ATF7IP2: variants seen among roughly 807,000 people sequenced by gnomAD.
The protein encoded by ATF7IP2 is activating transcription factor 7-interacting protein 2.
A neutral mutation model predicts 64.2 loss-of-function variants in ATF7IP2; 42 were observed. The observed-to-expected ratio is 0.65, with a 90% CI of 0.51 to 0.85. The LOEUF (loss-of-function observed/expected upper bound fraction) is 0.85. Ranked by LOEUF, ATF7IP2 falls within the 40% of genes least tolerant of loss-of-function variation. The pLI is 0.00. For synonymous variants in ATF7IP2, 308 were observed against 272.8 expected, an observed-to-expected ratio of 1.13 and a Z score of -1.27; for missense variants, 933 against 784.2, an observed-to-expected ratio of 1.19 and a Z score of -2.27.
intron 1 of ATF7IP2, among the ~76,000 whole-genome samples, chr16:10,400,854 G>T (rs2047517005): frequency 6.6e-6 from 1 of 151,940 alleles, no homozygotes; most frequent in Non-Finnish European, 1.5e-5. Context: ...ACTAAATTTT[G>T]TATTTTCAGT....
chr16:10,417,794 T>C (rs920953408), intron 2 of ATF7IP2, among the ~76,000 whole-genome samples: 1 of 152,140 alleles, frequency 6.6e-6, no homozygotes, highest in African/African-American at 2.4e-5. Flanking sequence ...ATGACAGTAA[T>C]CAAGATAATG....
intron 5 of ATF7IP2, among the ~76,000 whole-genome samples, chr16:10,432,803 G>A (rs1291208869): frequency 6.6e-6 from 1 of 152,108 alleles, no homozygotes; most frequent in Non-Finnish European, 1.5e-5. Context: ...GCTTGAACCT[G>A]GGGGGCGGAA....
chr16:10,416,986 A>G (rs1036348039), intron 2 of ATF7IP2, among the ~76,000 whole-genome samples: 63 of 152,226 alleles, frequency 4.1e-4, no homozygotes, highest in African/African-American at 1.5e-3. Context: ...ATTATTATGC[A>G]TTGCATTTCT....
intron 1 of ATF7IP2, among the ~76,000 whole-genome samples, chr16:10,410,130 G>C (rs548483921): frequency 3.3e-5 from 5 of 152,094 alleles, no homozygotes; most frequent in Admixed American, 1.3e-4. Flanking sequence ...TATTTTGATG[G>C]GAATTGCATT....
chr16:10,467,097 T>C (rs1412728495), intron 9 of ATF7IP2, among the ~76,000 whole-genome samples: 1 of 152,186 alleles, frequency 6.6e-6, no homozygotes, highest in African/African-American at 2.4e-5. Context: ...AAGGGAATGA[T>C]ATCACAAGGC....
Position 10,472,091 on chromosome 16 carries a change from T to C in ATF7IP2, c.1353-19T>C. The C allele has an allele frequency of 7.0e-7, 1 of 1,435,162 alleles. No homozygotes were observed. The highest frequency in any genetic ancestry group is 9.6e-7 in the Non-Finnish European group (1 of 1,037,586). 88.9% of individuals were successfully genotyped at this position (1,435,162 alleles called of 1,614,324 possible). On this transcript the variant is annotated intron_variant, in intron 9 of 13. Transcript: ENST00000562102. ...ATGCATGTTTAGTTTTTGTTTTTAA[T>C]TTCTTTTTATCATTTTAGTAACAAT...
At chr16:10,405,577 C>G (rs1384234615) in intron 1 of ATF7IP2, among the ~76,000 whole-genome samples, 1 of 152,166 alleles carries the variant, frequency 6.6e-6, no homozygotes, top group Non-Finnish European at 1.5e-5. Context: ...ACATTCTTAT[C>G]ACATCCTGCT....
intron 8 of ATF7IP2, among the ~76,000 whole-genome samples, chr16:10,450,630 G>A (rs2048953432): frequency 6.6e-6 from 1 of 151,890 alleles, no homozygotes; most frequent in African/African-American, 2.4e-5. Flanking sequence ...GACTAGGATT[G>A]CAACCCCTGC....
intron 9 of ATF7IP2, among the ~76,000 whole-genome samples, chr16:10,459,491 T>A (rs981530918): frequency 7.1e-4 from 98 of 137,438 alleles, no homozygotes; most frequent in Middle Eastern, 3.7e-3. Context: ...AAAAAAAAAA[T>A]ACAAAATTAG....
chr16:10,431,854 C>G (rs1046083419), intron 5 of ATF7IP2, among the ~76,000 whole-genome samples: 2 of 135,162 alleles, frequency 1.5e-5, no homozygotes, highest in African/African-American at 2.9e-5. Context: ...GACGGAGTCT[C>G]GCTCTGTCGC....
intron 9 of ATF7IP2, among the ~76,000 whole-genome samples, chr16:10,463,280 G>C (rs1050661178): frequency 7.9e-5 from 12 of 152,356 alleles, no homozygotes; most frequent in Non-Finnish European, 1.3e-4. Context: ...AAGCAGCAGA[G>C]AGACACAGCA....
At position 10,473,913 on chromosome 16, in the gene ATF7IP2, A is replaced by G. The variant is rs777857986; in HGVS notation, c.1483-10A>G. ...GCAAAGCTTTTTTTTTTTTTTTACAATTTTTTTAGGCTGTACAGAAGAAAC... is the reference window on the plus strand; with the variant it reads ...GCAAAGCTTTTTTTTTTTTTTTACAGTTTTTTTAGGCTGTACAGAAGAAAC... On this transcript the variant is annotated splice_polypyrimidine_tract_variant and intron_variant, in intron 11 of 13. Transcript: ENST00000562102. The G allele has an allele frequency of 1.8e-6, 2 of 1,136,120 alleles. No homozygotes were observed. Among genetic ancestry groups the G allele is most frequent in the Non-Finnish European group, 2.3e-6 (2 of 886,862 alleles). The allele number at this position is 1,136,120 out of a possible 1,614,324, so 70.4% of individuals were successfully genotyped here.
chr16:10,451,878 C>A (rs8048907), intron 8 of ATF7IP2, among the ~76,000 whole-genome samples: 1 of 151,654 alleles, frequency 6.6e-6, no homozygotes, highest in Non-Finnish European at 1.5e-5. Flanking sequence ...ATAGTGAAAC[C>A]CCATCTCTAC....
At chr16:10,439,837 G>A (rs536175994) in intron 7 of ATF7IP2, among the ~76,000 whole-genome samples, 1 of 151,490 alleles carries the variant, frequency 6.6e-6, no homozygotes, top group African/African-American at 2.4e-5. Flanking sequence ...CCCGGCCGAA[G>A]TTTGAGATTT....
intron 9 of ATF7IP2, among the ~76,000 whole-genome samples, chr16:10,466,278 A>C (rs552491217): frequency 1.3e-5 from 2 of 152,348 alleles, no homozygotes; most frequent in South Asian, 4.1e-4. Flanking sequence ...AGTTCAGTTC[A>C]TTGCCATTTT....
chr16:10,446,358 G>C (rs181924338), intron 8 of ATF7IP2: 1 of 152,168 alleles, frequency 6.6e-6, no homozygotes, highest in Non-Finnish European at 1.5e-5. Flanking sequence ...GAGTCAGTAA[G>C]CCACCTTCCT....
intron 1 of ATF7IP2, among the ~76,000 whole-genome samples, chr16:10,408,897 G>T (rs2047695915): frequency 1.3e-5 from 2 of 152,062 alleles, no homozygotes; most frequent in Admixed American, 1.3e-4. Context: ...TGGGTTTTTG[G>T]TCATGAAATC....
At chr16:10,392,700 T>TTATGTTAGCCA (rs1443096392) in intron 1 of ATF7IP2, among the ~76,000 whole-genome samples, 1 of 152,102 alleles carries the variant, frequency 6.6e-6, no homozygotes, top group Non-Finnish European at 1.5e-5. Context: ...ATGTTAGCCA[T>TTATGTTAGCCA]TTATAGGCCA....
intron 1 of ATF7IP2, among the ~76,000 whole-genome samples, chr16:10,407,520 G>T (rs73514815): frequency 6.6e-6 from 1 of 152,086 alleles, no homozygotes; most frequent in East Asian, 1.9e-4. Context: ...GATAAATTGA[G>T]TATAGTTGCA....
Sources: allele counts gnomAD v4.1 joint callset (sites outside exome capture counted in the v4.1 genomes callset), GRCh38; gene constraint gnomAD v4.1.1; transcripts MANE v1.5; gene names NCBI Gene and HGNC (gene_info 2026-07-23, HGNC 2026-07-21).